Variants in ELL observed in about 807,000 individuals in gnomAD.
The protein encoded by ELL is RNA polymerase II elongation factor ELL.
Under a neutral mutation model 64.0 loss-of-function variants are expected in ELL, and 18 were observed. The ratio of observed to expected loss-of-function variants is 0.28; its 90% confidence interval spans 0.19 to 0.42. The LOEUF (loss-of-function observed/expected upper bound fraction) is 0.42, where lower values mean the gene tolerates loss of function less well. Ranked by LOEUF, ELL falls within the 10% of genes least tolerant of loss-of-function variation. ELL has a pLI of 1.00. For missense variants in ELL, 797 were observed against 870.4 expected (o/e 0.92, Z 1.06); for synonymous variants, 399 against 376.2 (o/e 1.06, Z -0.70).
Position 18,522,007 on chromosome 19 carries a change from C to T in ELL, c.49G>A (p.Val17Ile). 1 of 1,611,350 alleles carries T rather than the reference C, an allele frequency of 6.2e-7. No homozygotes were observed. The highest frequency in any genetic ancestry group is 1.1e-5 in the South Asian group (1 of 90,878). The part of the protein sequence containing the change: ...DRSYGLSCGR[V>I]SDGSKVSVFH... ...ACCGACACCTTGCTGCCGTCGCTAA[C>T]CCGCCCGCACGACAGCCCGTAGCTC... The change falls in exon 1 of 12, where the codon GTT becomes ATT. Residue 17 changes from valine (V) to isoleucine (I), a missense_variant. Val to Ile is a conservative substitution (Grantham distance 29, BLOSUM62 3). Transcript: ENST00000262809.
chr19:18,449,221 C>T lies in ELL; in HGVS notation c.1465+1256G>A, dbSNP rs1030170969. ...TGGGCATCCAAGGAAGGGACACAGC[C>T]CAGAGTGGTCTGTGGACCCTGGAGC... On this transcript the variant is annotated intron_variant, in intron 8 of 11. Coordinates refer to ENST00000262809, the MANE Select transcript of ELL (RefSeq NM_006532.4). This position sits in a 1 kb window ranked among gnomAD's most constrained non-coding sequence, Gnocchi z 4.4. Among the ~76,000 whole-genome samples, 1 of 152,128 alleles carries T rather than the reference C, an allele frequency of 6.6e-6. No individual in the cohort carries two copies. Among genetic ancestry groups the T allele is most frequent in the Admixed American group, 6.5e-5 (1 of 15,278 alleles).
intron 3 of ELL, 48 bp from the exon 4 acceptor site, chr19:18,465,623 G>C: frequency 6.6e-7 from 1 of 1,523,486 alleles, no homozygotes. Context: ...GACAATGCAG[G>C]GAGGATCCGT....
chr19:18,484,593 T>C (rs1479988766), intron 1 of ELL, among the ~76,000 whole-genome samples: 1 of 152,174 alleles, frequency 6.6e-6, no homozygotes, highest in Non-Finnish European at 1.5e-5. Context: ...TGAGCCATGG[T>C]TCCACCACTG....
In ELL at chr19:18,501,476, G is replaced by A. The variant is rs1975778918; in HGVS notation, c.135+20445C>T. Reference sequence around the variant, plus strand: ...CCTCCAACGTGCCTCACACTTCAAGGCAGCTCTTCCAGGCCAGCCGGGGCC... The same window carrying A: ...CCTCCAACGTGCCTCACACTTCAAGACAGCTCTTCCAGGCCAGCCGGGGCC... On this transcript the variant is annotated intron_variant, in intron 1 of 11. Transcript: ENST00000262809. This position sits in a 1 kb window ranked among gnomAD's most constrained non-coding sequence, Gnocchi z 4.5. Among the ~76,000 whole-genome samples the A allele has an allele frequency of 6.6e-6, 1 of 152,200 alleles. No individual in the cohort carries two copies. The highest frequency in any genetic ancestry group is 2.4e-5 in the African/African-American group (1 of 41,456).
intron 2 of ELL, among the ~76,000 whole-genome samples, chr19:18,467,247 C>A (rs1304190817): frequency 6.6e-6 from 1 of 152,098 alleles, no homozygotes; most frequent in Non-Finnish European, 1.5e-5. Flanking sequence ...GGCCTGCAGA[C>A]CCTTCTCCAG....
At chr19:18,481,401 C>T (rs1975297637) in intron 1 of ELL, among the ~76,000 whole-genome samples, 2 of 152,166 alleles carry the variant, frequency 1.3e-5, no homozygotes, top group Admixed American at 1.3e-4. Context: ...TCTTCACCTG[C>T]TGCAGGCTCA....
At chr19:18,485,787 C>T (rs1323332065) in intron 1 of ELL, among the ~76,000 whole-genome samples, 1 of 152,058 alleles carries the variant, frequency 6.6e-6, no homozygotes. Flanking sequence ...GAGATTGAGA[C>T]CATCCTGGTT....
At position 18,458,320 on chromosome 19, in the gene ELL, T is replaced by C. The variant is rs2144908039; in HGVS notation, c.754A>G (p.Met252Val). The change falls in exon 6 of 12, where the codon ATG becomes GTG. Residue 252 changes from methionine (M) to valine (V), a missense_variant. Met to Val is a conservative substitution (Grantham distance 21). Transcript: ENST00000262809. ...LDGLLQQVAN[M>V]SAKDGTCTLQ... ...GTACACGTGCCGTCCTTAGCACTCA[T>C]GTTGGCCACCTGCAAGACAGAGCCA... 1 of 1,610,980 alleles carries C rather than the reference T, an allele frequency of 6.2e-7. No individual in the cohort carries two copies. The highest frequency in any genetic ancestry group is 8.5e-7 in the Non-Finnish European group (1 of 1,178,402).
intron 6 of ELL, among the ~76,000 whole-genome samples, chr19:18,454,356 G>T (rs887314353): frequency 1.3e-5 from 2 of 152,052 alleles, no homozygotes; most frequent in African/African-American, 4.8e-5. Flanking sequence ...AAAATTAGCC[G>T]GGCATGGTGG....
intron 1 of ELL, among the ~76,000 whole-genome samples, chr19:18,481,999 C>T (rs1230609532): frequency 6.6e-6 from 1 of 152,162 alleles, no homozygotes; most frequent in Admixed American, 6.5e-5. Flanking sequence ...CTGTTGCTCC[C>T]CATCCACGTC....
chr19:18,469,818 T>C lies in ELL; in HGVS notation c.183+3017A>G, dbSNP rs373728403. On this transcript the variant is annotated intron_variant, in intron 2 of 11. Coordinates refer to ENST00000262809, the MANE Select transcript of ELL (RefSeq NM_006532.4). ...TCCCTGCCAGAGTCCGTTCATCTCT[T>C]CCCTTTGAAATCCATCCCAAATTGG... Among the ~76,000 whole-genome samples, 117 of 152,284 alleles carry C rather than the reference T, an allele frequency of 7.7e-4. 1 individual carries two copies. In the South Asian group the frequency reaches 0.024, roughly 31 times the overall value.
At chr19:18,512,709 C>T (rs748000138) in intron 1 of ELL, among the ~76,000 whole-genome samples, 11 of 152,230 alleles carry the variant, frequency 7.2e-5, no homozygotes, top group African/African-American at 1.9e-4. Context: ...TTTGGGTCAA[C>T]GAGGAGAGCA....
intron 1 of ELL, among the ~76,000 whole-genome samples, chr19:18,479,755 A>T (rs577607106): frequency 6.6e-6 from 1 of 150,842 alleles, no homozygotes; most frequent in African/African-American, 2.4e-5. Context: ...AAAACTCTCC[A>T]GCAAAGACAG....
At chr19:18,470,770 G>A (rs947511031) in intron 2 of ELL, among the ~76,000 whole-genome samples, 2 of 152,156 alleles carry the variant, frequency 1.3e-5, no homozygotes, top group African/African-American at 4.8e-5. Context: ...GAGGGAAACT[G>A]GCTGGGGTTT....
In ELL at chr19:18,501,535, G is replaced by C. The variant is rs779511371; in HGVS notation, c.135+20386C>G. Among the ~76,000 whole-genome samples, 2 of 152,300 alleles carry C rather than the reference G, an allele frequency of 1.3e-5. No individual in the cohort carries two copies. The highest frequency in any genetic ancestry group is 1.3e-4 in the Admixed American group (2 of 15,302). Reference sequence around the variant, plus strand: ...AGGGGCCACTGGCAGAAGGGAGCAAGACACTGGTCCACGGCACAGCCAGCT... The same window carrying C: ...AGGGGCCACTGGCAGAAGGGAGCAACACACTGGTCCACGGCACAGCCAGCT... On this transcript the variant is annotated intron_variant, in intron 1 of 11. Transcript: ENST00000262809. The surrounding 1 kb of genome is among the most constrained non-coding windows in gnomAD (Gnocchi z 4.5).
At chr19:18,481,067 T>G (rs1377735664) in intron 1 of ELL, among the ~76,000 whole-genome samples, 2 of 152,208 alleles carry the variant, frequency 1.3e-5, no homozygotes, top group South Asian at 4.1e-4. Context: ...CGCACCTTGC[T>G]TGCTTTTCCC....
intron 1 of ELL, among the ~76,000 whole-genome samples, chr19:18,485,184 C>T (rs1407356864): frequency 1.3e-5 from 2 of 152,178 alleles, no homozygotes; most frequent in Non-Finnish European, 2.9e-5. Context: ...AAACCCCATT[C>T]ACCTCCATGG....
At chr19:18,487,727 C>T (rs1037390862) in intron 1 of ELL, among the ~76,000 whole-genome samples, 3 of 152,244 alleles carry the variant, frequency 2.0e-5, no homozygotes, top group African/African-American at 4.8e-5. Flanking sequence ...GAATCAGTCC[C>T]TTCAGATCCT....
chr19:18,493,357 C>A (rs976744269), intron 1 of ELL, among the ~76,000 whole-genome samples: 1 of 152,238 alleles, frequency 6.6e-6, no homozygotes, highest in Non-Finnish European at 1.5e-5. Flanking sequence ...GAGGGGCTTG[C>A]CCTGGGCCCT....
Sources: allele counts gnomAD v4.1 joint callset (sites outside exome capture counted in the v4.1 genomes callset), GRCh38; gene constraint gnomAD v4.1.1; non-coding constraint Gnocchi (gnomAD v3.1); transcripts MANE v1.5; gene names NCBI Gene and HGNC (gene_info 2026-07-23, HGNC 2026-07-21).